The following NAV3 variants were observed in gnomAD, a reference collection of about 807,000 sequenced individuals.
The protein encoded by NAV3 is pore membrane and/or filament interacting like protein 1.
A neutral mutation model predicts 244.7 loss-of-function variants in NAV3; 87 were observed. The observed-to-expected ratio is 0.36, with a 90% CI of 0.30 to 0.42. NAV3 has a LOEUF of 0.42. Ranked by LOEUF, NAV3 falls within the 20% of genes least tolerant of loss-of-function variation. NAV3 has a pLI of 1.00. For synonymous variants in NAV3, 1,126 were observed against 1,042.2 expected (o/e 1.08, Z -1.55); for missense variants, 2,663 against 2,893.3 (o/e 0.92, Z 1.83).
intron 5 of NAV3, among the ~76,000 whole-genome samples, chr12:77,978,993 A>G (rs1869027545): frequency 6.6e-6 from 1 of 151,888 alleles, no homozygotes; most frequent in Non-Finnish European, 1.5e-5. Flanking sequence ...TTTTTCCATT[A>G]TAAGTCAGTA....
chr12:77,879,273 T>C (rs1882285015), intron 1 of NAV3, among the ~76,000 whole-genome samples: 1 of 152,170 alleles, frequency 6.6e-6, no homozygotes, highest in Non-Finnish European at 1.5e-5. Flanking sequence ...ATAAATAAAC[T>C]CTTTACACAC....
At chr12:78,132,876 A>G (rs556027996) in intron 18 of NAV3, among the ~76,000 whole-genome samples, 1 of 152,170 alleles carries the variant, frequency 6.6e-6, no homozygotes, top group South Asian at 2.1e-4. Context: ...TTATAATTTC[A>G]TGTATCATCC....
At chr12:78,071,446 G>A (rs1240141768) in intron 12 of NAV3, among the ~76,000 whole-genome samples, 1 of 151,726 alleles carries the variant, frequency 6.6e-6, no homozygotes, top group African/African-American at 2.4e-5. Context: ...TGTAGATTCT[G>A]GATATTAGCC....
chr12:78,120,980 T>C (rs1027817915), intron 15 of NAV3, among the ~76,000 whole-genome samples: 1 of 152,232 alleles, frequency 6.6e-6, no homozygotes, highest in Non-Finnish European at 1.5e-5. Context: ...CTTTTTAAAA[T>C]ACTGATTCTC....
chr12:77,582,311 C>T (rs572318133), intron 2 of NAV3, among the ~76,000 whole-genome samples: 68 of 152,274 alleles, frequency 4.5e-4, no homozygotes, highest in African/African-American at 1.6e-3. Context: ...CATGCGTTGG[C>T]ATATAGTATA....
intron 5 of NAV3, among the ~76,000 whole-genome samples, chr12:77,994,391 T>A (rs1459227341): frequency 6.6e-6 from 1 of 152,264 alleles, no homozygotes; most frequent in Non-Finnish European, 1.5e-5. Flanking sequence ...ATGACTGTCA[T>A]CTCATACTCT....
chr12:78,159,961 T>A (rs78754984), intron 23 of NAV3, among the ~76,000 whole-genome samples: 128 of 152,188 alleles, frequency 8.4e-4, no homozygotes, highest in African/African-American at 2.8e-3. Context: ...GGTCACTAAA[T>A]CCAGCTATAG....
chr12:77,612,157 A>G (rs1452073969), intron 2 of NAV3, among the ~76,000 whole-genome samples: 1 of 151,922 alleles, frequency 6.6e-6, no homozygotes, highest in Non-Finnish European at 1.5e-5. Context: ...AAAGTATGGC[A>G]TAATTGTTGG....
intron 23 of NAV3, among the ~76,000 whole-genome samples, chr12:78,162,791 G>A (rs886170761): frequency 2.0e-5 from 3 of 149,456 alleles, no homozygotes; most frequent in Admixed American, 6.7e-5. Context: ...GAACCTGGGA[G>A]GTGGAGGTTG....
chr12:77,808,610 G>A (rs956634864), intron 2 of NAV3, among the ~76,000 whole-genome samples: 12 of 152,162 alleles, frequency 7.9e-5, no homozygotes, highest in Non-Finnish European at 2.9e-5. Context: ...GGTGTCTATC[G>A]ACCCCTGCTG....
chr12:77,877,209 C>T (rs1211430003), intron 1 of NAV3, among the ~76,000 whole-genome samples: 1 of 151,982 alleles, frequency 6.6e-6, no homozygotes, highest in Non-Finnish European at 1.5e-5. Context: ...GAATATTTCC[C>T]ATTTGTTTCT....
At position 78,200,553 on chromosome 12, in the gene NAV3, G is replaced by T. The variant is rs2140031747; in HGVS notation, c.6796G>T (p.Val2266Leu). Residue 2266 changes from valine (V) to leucine (L), a missense_variant, in exon 38 of 40, where the codon GTA becomes TTA. Around this residue, in one of 6 missense-constraint regions of NAV3, gnomAD observed 543 missense variants for 672.4 expected, o/e 0.81. Transcript: ENST00000397909. ...WFMDLWNYSL[V>L]PYILEAVREG... is the part of the protein sequence containing the mutation. The stretch of plus-strand genomic sequence containing the variant: ...CATGGATCTCTGGAACTATTCTTTA[G>T]TACCTTATATTCTGGAGGCAGTGAG... 1 of 1,595,186 alleles carries T rather than the reference G, an allele frequency of 6.3e-7. No homozygotes were observed. Among genetic ancestry groups the T allele is most frequent in the African/African-American group, 1.3e-5 (1 of 74,112 alleles).
At chr12:77,604,340 T>C (rs1281703748) in intron 2 of NAV3, among the ~76,000 whole-genome samples, 1 of 151,928 alleles carries the variant, frequency 6.6e-6, no homozygotes, top group Non-Finnish European at 1.5e-5. Context: ...AGAATTGATC[T>C]AGGAAAGTAA....
At chr12:78,127,054 ATG>A in intron 16 of NAV3, 111 bp from the exon 17 acceptor site, 4 of 932,170 alleles carry the variant, frequency 4.3e-6, no homozygotes, top group South Asian at 3.2e-5. Flanking sequence ...TAAGCATTAT[ATG>A]TGTGTTACCA....
chr12:77,578,120 A>T (rs1019872114), intron 2 of NAV3, among the ~76,000 whole-genome samples: 1 of 152,218 alleles, frequency 6.6e-6, no homozygotes, highest in Non-Finnish European at 1.5e-5. Flanking sequence ...CCTATTTTGC[A>T]TATAATTTTT....
At chr12:78,066,487 G>A (rs1210921860) in intron 12 of NAV3, among the ~76,000 whole-genome samples, 1 of 151,988 alleles carries the variant, frequency 6.6e-6, no homozygotes, top group Non-Finnish European at 1.5e-5. Context: ...TCTCAAAGGA[G>A]AGAAAGGCAA....
At chr12:77,804,331 G>A (rs1049875709) in intron 2 of NAV3, among the ~76,000 whole-genome samples, 1 of 152,048 alleles carries the variant, frequency 6.6e-6, no homozygotes, top group Non-Finnish European at 1.5e-5. Context: ...TGTATAAGGT[G>A]TAAGTTTATA....
chr12:77,609,128 TAA>T (rs1237691864), intron 2 of NAV3, among the ~76,000 whole-genome samples: 6 of 152,094 alleles, frequency 3.9e-5, no homozygotes, highest in African/African-American at 1.2e-4. Flanking sequence ...TATGTTCTGG[TAA>T]TCCTTTGAGT....
rs772161514 is a variant in NAV3, at chr12:78,188,242, A to C, written c.5791-6A>C. ...TTTTATCTTACTTTATTTTGTTCTTATTTAGGACCAAAAATCTCAGGCATA... is the reference window on the plus strand; with the variant it reads ...TTTTATCTTACTTTATTTTGTTCTTCTTTAGGACCAAAAATCTCAGGCATA... On this transcript the variant is annotated splice_polypyrimidine_tract_variant and splice_region_variant and intron_variant, in intron 31 of 39. Transcript: ENST00000397909. 6.9e-6 allele frequency: 11 copies of C among 1,600,752 alleles called. No individual in the cohort carries two copies. The South Asian group carries it at 1.2e-4, about 18-fold the overall frequency.
Sources: gnomAD v4.1 joint callset for allele counts (sites outside exome capture counted in the v4.1 genomes callset) on GRCh38, gnomAD v4.1.1 for gene constraint, gnomAD v4.1.1 regional missense constraint, MANE v1.5 for transcripts, NCBI Gene and HGNC (gene_info 2026-07-23, HGNC 2026-07-21) for gene names.